The following ZNF860 variants were observed in gnomAD, a reference collection of about 807,000 sequenced individuals.
ZNF860 encodes the protein zinc finger protein 860.
For missense variants in ZNF860, 641 were observed against 759.2 expected, an observed-to-expected ratio of 0.84 and a Z score of 1.83; for synonymous variants, 206 against 248.9, an observed-to-expected ratio of 0.83 and a Z score of 1.62.
At chr3:32,000,456 C>G in the ZNF860 span, among the ~76,000 whole-genome samples, 1 of 152,218 alleles carries the variant, frequency 6.6e-6, no homozygotes, top group Non-Finnish European at 1.5e-5. Context: ...CCCCACCACA[C>G]CAGTGGGCCT....
intron 1 of ZNF860, among the ~76,000 whole-genome samples, chr3:31,987,746 A>G (rs1423167375): frequency 1.3e-5 from 2 of 152,228 alleles, no homozygotes; most frequent in African/African-American, 4.8e-5. Flanking sequence ...GTATAATGTC[A>G]CTTTGCCACA....
rs898457746 is a variant in ZNF860 at position 31,990,810 on chromosome 3, A to G, written c.1731A>G (p.Gln577=). ...ATGATTTTGACGAGGCCTTCAGTCAAGCTTCATCTTATGCAAAACAAAGGA... is the reference window on the plus strand; with the variant it reads ...ATGATTTTGACGAGGCCTTCAGTCAGGCTTCATCTTATGCAAAACAAAGGA... ...KCDDFDEAFS[Q]ASSYAKQRRI... is the part of the protein sequence containing the mutation. Residue 577 remains glutamine (Q), a synonymous_variant, in exon 2 of 2, where the codon CAA becomes CAG. Transcript: ENST00000360311. 1 of 1,604,978 alleles carries G rather than the reference A, an allele frequency of 6.2e-7. No individual in the cohort carries two copies. Among genetic ancestry groups the G allele is most frequent in the South Asian group, 1.1e-5 (1 of 90,232 alleles).
downstream of ZNF860, among the ~76,000 whole-genome samples, chr3:31,996,332 G>A (rs1444994430): frequency 6.6e-6 from 1 of 152,190 alleles, no homozygotes; most frequent in Non-Finnish European, 1.5e-5. Flanking sequence ...ACCTGCTAGA[G>A]AGGACTTGAT....
chr3:31,991,013 C>A lies in ZNF860; in HGVS notation c.*35C>A. The A allele has an allele frequency of 6.6e-7, 1 of 1,526,566 alleles. No individual in the cohort carries two copies. The allele number at this position is 1,526,566 out of a possible 1,614,324, so 94.6% of individuals were successfully genotyped here. On this transcript the variant is annotated 3_prime_UTR_variant, in exon 2 of 2. Coordinates refer to ENST00000360311, the MANE Select transcript of ZNF860 (RefSeq NM_001137674.3). ...CTTGCAAAACATCAGAAAATTCATTCCTGAGATAATTGTTCCAAATGCAAT... is the reference window on the plus strand; with the variant it reads ...CTTGCAAAACATCAGAAAATTCATTACTGAGATAATTGTTCCAAATGCAAT...
the ZNF860 span, among the ~76,000 whole-genome samples, chr3:32,005,027 G>A: frequency 0.016 from 2,418 of 152,178 alleles, 29 homozygotes; most frequent in Non-Finnish European, 0.023. Flanking sequence ...GTATCACACC[G>A]TAGATCTTAA....
At chr3:31,987,006 C>G (rs1698943126) in intron 1 of ZNF860, among the ~76,000 whole-genome samples, 1 of 150,954 alleles carries the variant, frequency 6.6e-6, no homozygotes, top group African/African-American at 2.4e-5. Context: ...GACCCTATCT[C>G]AAAAAAAACA....
downstream of ZNF860, among the ~76,000 whole-genome samples, chr3:31,993,989 T>C (rs1167834838): frequency 6.6e-6 from 1 of 152,138 alleles, no homozygotes; most frequent in Non-Finnish European, 1.5e-5. Flanking sequence ...AACTGGGGAA[T>C]GAATTAAAAA....
At chr3:31,982,741 T>C (rs114825345) in intron 1 of ZNF860, among the ~76,000 whole-genome samples, 28 of 152,258 alleles carry the variant, frequency 1.8e-4, no homozygotes, top group African/African-American at 6.7e-4. Flanking sequence ...TCAAATTACC[T>C]CTTTTAGCCT....
downstream of ZNF860, among the ~76,000 whole-genome samples, chr3:31,995,939 A>G (rs1413696139): frequency 2.0e-5 from 3 of 152,140 alleles, no homozygotes; most frequent in African/African-American, 7.2e-5. Flanking sequence ...TTGCCACCTG[A>G]CAAAATGCCC....
chr3:31,998,436 A>G, the ZNF860 span, among the ~76,000 whole-genome samples: 2 of 152,146 alleles, frequency 1.3e-5, no homozygotes, highest in Admixed American at 6.5e-5. Flanking sequence ...ATTTGAGCAG[A>G]TGGTTGTCCC....
the ZNF860 span, among the ~76,000 whole-genome samples, chr3:32,004,678 A>T: frequency 2.6e-5 from 4 of 152,172 alleles, no homozygotes; most frequent in African/African-American, 7.2e-5. Context: ...AACACCTGCT[A>T]TGTGTCAGGT....
chr3:32,001,262 C>A, the ZNF860 span, among the ~76,000 whole-genome samples: 1 of 152,114 alleles, frequency 6.6e-6, no homozygotes, highest in African/African-American at 2.4e-5. Flanking sequence ...GAGAACTTCC[C>A]GGTCTCCAAC....
the ZNF860 span, among the ~76,000 whole-genome samples, chr3:32,004,582 G>C: frequency 6.6e-6 from 1 of 152,070 alleles, no homozygotes; most frequent in South Asian, 2.1e-4. Flanking sequence ...CACATTCTTC[G>C]GTTCCTCTGC....
the ZNF860 span, among the ~76,000 whole-genome samples, chr3:31,996,958 G>T: frequency 2.6e-5 from 4 of 152,160 alleles, no homozygotes; most frequent in African/African-American, 9.7e-5. Context: ...CTCACAATGG[G>T]AGAGAAGCCA....
Position 31,989,739 on chromosome 3 carries a change from A to G in ZNF860, c.660A>G (p.Lys220=). 1 of 1,614,146 alleles carries G rather than the reference A, an allele frequency of 6.2e-7. No individual in the cohort carries two copies. The highest frequency in any genetic ancestry group is 1.3e-5 in the African/African-American group (1 of 75,058). Residue 220 remains lysine, a synonymous_variant, in exon 2 of 2, where the codon AAA becomes AAG. Coordinates refer to ENST00000360311, the MANE Select transcript of ZNF860 (RefSeq NM_001137674.3). ...NFFHSSLLTL[K]QEVHIREKSF... is the part of the protein sequence containing the mutation. Reference sequence around the variant, plus strand: ...TCCATTCATCATTACTCACACTAAAACAGGAAGTACACATAAGAGAAAAAT... The same window carrying G: ...TCCATTCATCATTACTCACACTAAAGCAGGAAGTACACATAAGAGAAAAAT...
intron 1 of ZNF860, among the ~76,000 whole-genome samples, chr3:31,983,486 A>C (rs547714096): frequency 6.6e-6 from 1 of 152,356 alleles, no homozygotes; most frequent in South Asian, 2.1e-4. Context: ...CAAGTGGGGA[A>C]GGAACTAAGC....
the ZNF860 span, among the ~76,000 whole-genome samples, chr3:32,000,638 G>A: frequency 2.0e-5 from 3 of 152,176 alleles, no homozygotes; most frequent in Admixed American, 1.3e-4. Flanking sequence ...GCCCTTCCTC[G>A]TGACGGTTGT....
chr3:32,005,652 G>A, the ZNF860 span, among the ~76,000 whole-genome samples: 1 of 152,036 alleles, frequency 6.6e-6, no homozygotes. Context: ...CAGTGTCGCT[G>A]TCTCGGCTCA....
chr3:31,991,097 G>T lies in ZNF860; in HGVS notation c.*119G>T. The T allele has an allele frequency of 1.0e-6, 1 of 986,548 alleles. No homozygotes were observed. 61.1% of individuals were successfully genotyped at this position (986,548 alleles called of 1,614,324 possible). On this transcript the variant is annotated 3_prime_UTR_variant, in exon 2 of 2. Coordinates refer to ENST00000360311, the MANE Select transcript of ZNF860 (RefSeq NM_001137674.3). ...TAGAGTCAATTCAGCATTGACTTGA[G>T]TTTCAGTTGACTTGACATTGAGTTC...
Sources: gnomAD v4.1 joint callset for allele counts (sites outside exome capture counted in the v4.1 genomes callset) on GRCh38, gnomAD v4.1.1 for gene constraint, MANE v1.5 for transcripts, NCBI Gene and HGNC (gene_info 2026-07-23, HGNC 2026-07-21) for gene names.